The following MYO5A variants were observed in gnomAD, a reference collection of about 807,000 sequenced individuals.
MYO5A encodes the protein unconventional myosin-Va.
A neutral mutation model predicts 249.7 loss-of-function variants in MYO5A; 98 were observed. That is an observed-to-expected ratio of 0.39 (90% confidence interval 0.33 to 0.46). The LOEUF is 0.46. MYO5A is among the 20% of genes least tolerant of loss of function. The probability of loss-of-function intolerance (pLI) is 0.98; values close to 1 mark genes in which losing one functional copy is unlikely to be tolerated. For synonymous variants in MYO5A, 778 were observed against 810.6 expected (o/e 0.96, Z 0.68); for missense variants, 1,696 against 2,308.8 (o/e 0.73, Z 5.44).
chr15:52,476,785 T>G (rs2076604533), intron 1 of MYO5A, among the ~76,000 whole-genome samples: 1 of 152,246 alleles, frequency 6.6e-6, no homozygotes. Flanking sequence ...TGGGCTTCCC[T>G]TTGTGGGTAA....
At position 52,480,953 on chromosome 15, in the gene MYO5A, G is replaced by A. The variant is rs1046895390; in HGVS notation, c.28-47668C>T. Among the ~76,000 whole-genome samples the A allele has an allele frequency of 7.2e-5, 11 of 152,212 alleles. No individual in the cohort carries two copies. In the East Asian group the frequency reaches 1.9e-3, roughly 27 times the overall value. On this transcript the variant is annotated intron_variant, in intron 1 of 41. Transcript: ENST00000399233. ...AGTCCTGGGATACAGCATTGCACTT[G>A]CAGCTGGATTCATGGTTGGGTTCCC...
chr15:52,528,921 A>AGGGCC, upstream of MYO5A: 5 of 971,490 alleles, frequency 5.1e-6, no homozygotes, highest in Non-Finnish European at 6.4e-6. Flanking sequence ...AGGGCAGGGC[A>AGGGCC]GGGCCGGGCG....
intron 4 of MYO5A, among the ~76,000 whole-genome samples, chr15:52,417,244 C>A (rs976142967): frequency 1.3e-5 from 2 of 152,118 alleles, no homozygotes; most frequent in African/African-American, 4.8e-5. Context: ...TTATTTTATT[C>A]CTAAAGAATT....
At chr15:52,413,756 A>T (rs1213448884) in intron 5 of MYO5A, among the ~76,000 whole-genome samples, 8 of 152,182 alleles carry the variant, frequency 5.3e-5, no homozygotes, top group Non-Finnish European at 5.9e-5. Context: ...AGTTATTGAA[A>T]ATTAGTTCAA....
At chr15:52,500,573 C>T (rs1484598625) in intron 1 of MYO5A, among the ~76,000 whole-genome samples, 1 of 152,140 alleles carries the variant, frequency 6.6e-6, no homozygotes, top group Non-Finnish European at 1.5e-5. Flanking sequence ...GTCTCAAACT[C>T]CTGACCTCAG....
intron 1 of MYO5A, among the ~76,000 whole-genome samples, chr15:52,438,385 G>T (rs2075712062): frequency 6.6e-6 from 1 of 152,172 alleles, no homozygotes; most frequent in Non-Finnish European, 1.5e-5. Context: ...TGCCTACTTA[G>T]TCTGCAGAAG....
At chr15:52,379,051 C>T (rs975582578) in intron 18 of MYO5A, among the ~76,000 whole-genome samples, 2 of 152,200 alleles carry the variant, frequency 1.3e-5, no homozygotes, top group Non-Finnish European at 2.9e-5. Context: ...TGAGCAAACC[C>T]TATGCTTACC....
intron 11 of MYO5A, 25 bp downstream of exon 11, chr15:52,396,291 A>G: frequency 7.8e-7 from 1 of 1,280,920 alleles, no homozygotes; most frequent in South Asian, 1.2e-5. Context: ...ATAGCAGAGT[A>G]TTATTCAAGG....
intron 1 of MYO5A, among the ~76,000 whole-genome samples, chr15:52,520,255 C>G (rs1366257928): frequency 6.6e-6 from 1 of 152,180 alleles, no homozygotes; most frequent in Non-Finnish European, 1.5e-5. Flanking sequence ...TCACAGCCAT[C>G]CCATGAGGTT....
At chr15:52,468,658 A>G (rs1031520571) in intron 1 of MYO5A, among the ~76,000 whole-genome samples, 11 of 152,242 alleles carry the variant, frequency 7.2e-5, no homozygotes, top group African/African-American at 2.7e-4. Context: ...TGACAGAGAC[A>G]GACCCTGTCT....
At chr15:52,490,698 T>C (rs965194556) in intron 1 of MYO5A, among the ~76,000 whole-genome samples, 1 of 152,016 alleles carries the variant, frequency 6.6e-6, no homozygotes, top group African/African-American at 2.4e-5. Context: ...TTTTAGAGAT[T>C]GGTTGTACAA....
At chr15:52,409,979 A>G (rs2043179581) in intron 6 of MYO5A, among the ~76,000 whole-genome samples, 1 of 152,114 alleles carries the variant, frequency 6.6e-6, no homozygotes, top group South Asian at 2.1e-4. Flanking sequence ...TTTTTCTTGC[A>G]CTGAGTTCAA....
At chr15:52,475,166 T>C (rs2076565212) in intron 1 of MYO5A, among the ~76,000 whole-genome samples, 1 of 152,258 alleles carries the variant, frequency 6.6e-6, no homozygotes, top group Non-Finnish European at 1.5e-5. Context: ...TTTTCTAGTT[T>C]ACTTGTGTAG....
intron 1 of MYO5A, among the ~76,000 whole-genome samples, chr15:52,454,254 TA>T: frequency 1.3e-5 from 2 of 152,206 alleles, no homozygotes; most frequent in African/African-American, 4.8e-5. Flanking sequence ...TCAAAGACTG[TA>T]AAAAGTAACA....
chr15:52,331,613 CTTCTTGTGTCACTCTGGGTAAT>C, intron 34 of MYO5A: 3 of 944,192 alleles, frequency 3.2e-6, no homozygotes, highest in Non-Finnish European at 3.8e-6. Flanking sequence ...GTCAGTAGTG[CTTCTTGTGTCACTCTGGGTAAT>C]TTCCTGGGTT....
chr15:52,504,864 G>A (rs898241410), intron 1 of MYO5A, among the ~76,000 whole-genome samples: 8 of 151,316 alleles, frequency 5.3e-5, no homozygotes, highest in African/African-American at 9.7e-5. Context: ...ACTCCAGCCC[G>A]GGCGACACAG....
intron 22 of MYO5A, among the ~76,000 whole-genome samples, chr15:52,368,280 C>T (rs2040914038): frequency 6.6e-6 from 1 of 152,124 alleles, no homozygotes; most frequent in African/African-American, 2.4e-5. Context: ...TCTGGACTGA[C>T]CTTGCCTTAA....
At chr15:52,446,687 C>A (rs2075898054) in intron 1 of MYO5A, among the ~76,000 whole-genome samples, 1 of 152,344 alleles carries the variant, frequency 6.6e-6, no homozygotes, top group South Asian at 2.1e-4. Flanking sequence ...AAGAACAGCC[C>A]TAGGGGCTGA....
At chr15:52,376,217 G>A in intron 19 of MYO5A, 130 bp downstream of exon 19, 1 of 805,602 alleles carries the variant, frequency 1.2e-6, no homozygotes. Context: ...TGTCCTATGA[G>A]TTAATTTGTT....
Sources: allele counts gnomAD v4.1 joint callset (sites outside exome capture counted in the v4.1 genomes callset), GRCh38; gene constraint gnomAD v4.1.1; transcripts MANE v1.5; gene names NCBI Gene and HGNC (gene_info 2026-07-23, HGNC 2026-07-21).